The following INTS15 variants were observed in gnomAD, a reference collection of about 807,000 sequenced individuals.
INTS15 encodes the protein uncharacterized protein C7orf26.
At chr7:6,600,423 G>T in the INTS15 span, 1 of 1,458,598 alleles carries the variant, frequency 6.9e-7, no homozygotes, top group Non-Finnish European at 9.2e-7. Flanking sequence ...GGAAGGAGGG[G>T]CTCCTGGACA....
the INTS15 span, among the ~76,000 whole-genome samples, chr7:6,595,300 C>T: frequency 3.9e-5 from 6 of 152,162 alleles, no homozygotes; most frequent in South Asian, 1.0e-3. Context: ...GTAGTCGGGA[C>T]CACAGGTTTG....
chr7:6,596,540 G>A, the INTS15 span, among the ~76,000 whole-genome samples: 15 of 150,986 alleles, frequency 9.9e-5, no homozygotes, highest in Admixed American at 2.0e-4. Flanking sequence ...CACCACACCC[G>A]GCTACTTTTT....
At chr7:6,593,555 C>T in the INTS15 span, among the ~76,000 whole-genome samples, 3,630 of 151,494 alleles carry the variant, frequency 0.024, 68 homozygotes, top group Middle Eastern at 0.051. Context: ...AGGATGGTCT[C>T]GATCTCCTGA....
the INTS15 span, among the ~76,000 whole-genome samples, chr7:6,597,157 G>A: frequency 2.0e-3 from 301 of 152,290 alleles, no homozygotes; most frequent in African/African-American, 6.7e-3. Flanking sequence ...GCAGGGCCAC[G>A]CTGCTGCAGT....
chr7:6,597,837 G>A, the INTS15 span, among the ~76,000 whole-genome samples: 1 of 152,204 alleles, frequency 6.6e-6, no homozygotes, highest in African/African-American at 2.4e-5. Context: ...GACTGAAACC[G>A]CTGTTGGGCA....
chr7:6,598,318 A>T, the INTS15 span, among the ~76,000 whole-genome samples: 1 of 152,120 alleles, frequency 6.6e-6, no homozygotes, highest in African/African-American at 2.4e-5. Flanking sequence ...AAAAATACAA[A>T]AATTAGCCAG....
chr7:6,602,000 C>T, the INTS15 span: 3 of 1,026,510 alleles, frequency 2.9e-6, no homozygotes, highest in Non-Finnish European at 3.0e-6. Context: ...TAGTATGAGG[C>T]GCTCTTGCTG....
chr7:6,595,177 G>A, the INTS15 span, among the ~76,000 whole-genome samples: 1 of 152,082 alleles, frequency 6.6e-6, no homozygotes, highest in South Asian at 2.1e-4. Context: ...GACTACAGGT[G>A]CATGCCACCA....
the INTS15 span, among the ~76,000 whole-genome samples, chr7:6,601,324 C>G: frequency 1.3e-5 from 2 of 151,672 alleles, no homozygotes; most frequent in Non-Finnish European, 2.9e-5. Context: ...GAGGTGGAGT[C>G]TCGCTTCTTT....
chr7:6,603,869 G>C, the INTS15 span, among the ~76,000 whole-genome samples: 3 of 151,930 alleles, frequency 2.0e-5, no homozygotes, highest in African/African-American at 7.3e-5. Flanking sequence ...ATATGGTGGC[G>C]TGCATCTGTA....
At chr7:6,591,810 C>T in the INTS15 span, 7 of 1,614,112 alleles carry the variant, frequency 4.3e-6, no homozygotes, top group East Asian at 1.3e-4. Context: ...AACTGGTCTC[C>T]ATGGCGGTGG....
chr7:6,606,864 C>T, the INTS15 span, among the ~76,000 whole-genome samples: 2 of 152,086 alleles, frequency 1.3e-5, no homozygotes, highest in East Asian at 1.9e-4. Context: ...CACCACCACG[C>T]CCAGCTAATT....
the INTS15 span, among the ~76,000 whole-genome samples, chr7:6,590,782 G>T: frequency 1.3e-5 from 2 of 152,138 alleles, no homozygotes; most frequent in African/African-American, 2.4e-5. Context: ...CCTCCAGGAG[G>T]ATGTATAATG....
chr7:6,594,527 G>C, the INTS15 span: 1 of 1,614,184 alleles, frequency 6.2e-7, no homozygotes, highest in African/African-American at 1.3e-5. Context: ...CGCTGAAGCA[G>C]ATATTCAGTG....
chr7:6,603,832 T>G, the INTS15 span, among the ~76,000 whole-genome samples: 1 of 150,716 alleles, frequency 6.6e-6, no homozygotes, highest in African/African-American at 2.4e-5. Context: ...AGAGCAAAAC[T>G]CCGTTTCAAA....
chr7:6,593,191 C>T, the INTS15 span, among the ~76,000 whole-genome samples: 55 of 152,268 alleles, frequency 3.6e-4, 1 homozygote, highest in East Asian at 0.01. Flanking sequence ...GTCCTGTAGT[C>T]TCTTTCACAG....
the INTS15 span, chr7:6,600,401 C>A: frequency 1.9e-6 from 3 of 1,552,612 alleles, no homozygotes; most frequent in Non-Finnish European, 2.6e-6. Flanking sequence ...GGGACACCGC[C>A]GCCCTGCAGA....
chr7:6,598,921 G>A, the INTS15 span, among the ~76,000 whole-genome samples: 1 of 151,874 alleles, frequency 6.6e-6, no homozygotes, highest in East Asian at 1.9e-4. Context: ...TGAATAGCTG[G>A]GAATATAGGT....
chr7:6,598,735 T>TTTTGTG, the INTS15 span, among the ~76,000 whole-genome samples: 6 of 83,624 alleles, frequency 7.2e-5, no homozygotes, highest in African/African-American at 2.5e-4. Context: ...GCTGTATGCT[T>TTTTGTG]TGTGTGTGTG....
Sources: gnomAD v4.1 joint callset for allele counts (sites outside exome capture counted in the v4.1 genomes callset) on GRCh38, gnomAD v4.1.1 for gene constraint, MANE v1.5 for transcripts, NCBI Gene and HGNC (gene_info 2026-07-23, HGNC 2026-07-21) for gene names.